The following TRIM44 variants were observed in gnomAD, a reference collection of about 807,000 sequenced individuals.
TRIM44 encodes tripartite motif-containing protein 44.
In TRIM44, 13 loss-of-function variants were observed where a neutral mutation model predicts 37.4. The ratio of observed to expected loss-of-function variants is 0.35; its 90% CI spans 0.23 to 0.55. The LOEUF (loss-of-function observed/expected upper bound fraction) is 0.55, where lower values mean the gene tolerates loss of function less well. TRIM44 is among the 20% of genes least tolerant of loss of function. The probability of loss-of-function intolerance (pLI) is 0.89; values close to 1 mark genes in which losing one functional copy is unlikely to be tolerated. For missense variants in TRIM44, 426 were observed against 437.2 expected, an observed-to-expected ratio of 0.97 and a Z score of 0.23; for synonymous variants, 175 against 157.2, an observed-to-expected ratio of 1.11 and a Z score of -0.85.
intron 1 of TRIM44, among the ~76,000 whole-genome samples, chr11:35,672,877 G>A (rs958724548): frequency 3.9e-5 from 6 of 152,136 alleles, no homozygotes; most frequent in Non-Finnish European, 8.8e-5. Context: ...CATACATAGT[G>A]GTTCAACCAG....
intron 1 of TRIM44, among the ~76,000 whole-genome samples, chr11:35,678,075 A>G (rs1360797038): frequency 6.6e-6 from 1 of 152,158 alleles, no homozygotes; most frequent in African/African-American, 2.4e-5. Context: ...GAGTATAATC[A>G]GTAGTGGTGG....
chr11:35,678,496 C>T (rs1489043881), intron 1 of TRIM44, among the ~76,000 whole-genome samples: 2 of 152,008 alleles, frequency 1.3e-5, no homozygotes, highest in South Asian at 2.1e-4. Flanking sequence ...TAAAAATTTT[C>T]GTACATGGGA....
chr11:35,796,401 G>C (rs547172084), intron 4 of TRIM44, among the ~76,000 whole-genome samples: 1 of 152,214 alleles, frequency 6.6e-6, no homozygotes, highest in African/African-American at 2.4e-5. Flanking sequence ...TACAGCAGCT[G>C]AGGCAACAGG....
At chr11:35,666,775 G>C (rs1465675283) in intron 1 of TRIM44, among the ~76,000 whole-genome samples, 2 of 151,918 alleles carry the variant, frequency 1.3e-5, no homozygotes, top group African/African-American at 4.8e-5. Context: ...AAAAATAAAT[G>C]GTTTTAAGTT....
Position 35,735,447 on chromosome 11 carries a change from T to G in TRIM44, c.1007+2T>G. 6.2e-7 allele frequency: 1 copy of G among 1,613,680 alleles called. No homozygotes were observed. Among genetic ancestry groups the G allele is most frequent in the Non-Finnish European group, 8.5e-7 (1 of 1,179,650 alleles). ...TCAGGGCGATGAGGAAGGACCCAGG[T>G]AAGATCACATTGTTGCTTGTCTTTT... On this transcript the variant is annotated splice_donor_variant, in intron 4 of 4. Coordinates refer to ENST00000299413, the MANE Select transcript of TRIM44 (RefSeq NM_017583.6). LOFTEE classifies it high-confidence loss of function.
intron 2 of TRIM44, among the ~76,000 whole-genome samples, chr11:35,715,419 T>G (rs930894297): frequency 2.6e-5 from 4 of 151,108 alleles, no homozygotes; most frequent in African/African-American, 4.9e-5. Flanking sequence ...TGTGTGTGTG[T>G]GTGTGTGTGT....
intron 4 of TRIM44, among the ~76,000 whole-genome samples, chr11:35,736,975 C>G (rs113788056): frequency 1.3e-5 from 2 of 152,186 alleles, no homozygotes; most frequent in African/African-American, 4.8e-5. Flanking sequence ...CTTGTAGATC[C>G]TAAGTGTAGT....
chr11:35,667,377 G>T (rs1209484848), intron 1 of TRIM44, among the ~76,000 whole-genome samples: 1 of 152,108 alleles, frequency 6.6e-6, no homozygotes, highest in South Asian at 2.1e-4. Context: ...GTAACTACTT[G>T]TTTTTTCTTA....
intron 1 of TRIM44, among the ~76,000 whole-genome samples, chr11:35,667,374 C>T (rs1851343842): frequency 6.6e-6 from 1 of 152,114 alleles, no homozygotes; most frequent in Non-Finnish European, 1.5e-5. Context: ...TTGGTAACTA[C>T]TTGTTTTTTC....
chr11:35,805,061 C>A (rs1309894942), intron 4 of TRIM44, among the ~76,000 whole-genome samples: 7 of 152,074 alleles, frequency 4.6e-5, no homozygotes, highest in African/African-American at 1.7e-4. Context: ...CCTTTTCTAC[C>A]AGCTTGACCA....
chr11:35,712,806 A>G (rs1488617242), intron 2 of TRIM44, among the ~76,000 whole-genome samples: 1 of 152,052 alleles, frequency 6.6e-6, no homozygotes, highest in African/African-American at 2.4e-5. Flanking sequence ...ATTGTATTTG[A>G]CAGTTAATTT....
At chr11:35,738,183 G>C (rs763434772) in intron 4 of TRIM44, among the ~76,000 whole-genome samples, 26 of 152,198 alleles carry the variant, frequency 1.7e-4, no homozygotes, top group Non-Finnish European at 2.8e-4. Flanking sequence ...AGCCGAATTA[G>C]GGTGAACACA....
In TRIM44 at chr11:35,713,572, T is replaced by A. The variant is rs16927857; in HGVS notation, c.748-12352T>A. Among the ~76,000 whole-genome samples the A allele has an allele frequency of 0.014, 2,078 of 152,054 alleles. 114 individuals carry two copies. The East Asian group carries it at 0.14, about 10-fold the overall frequency. On this transcript the variant is annotated intron_variant, in intron 2 of 4. Coordinates refer to ENST00000299413, the MANE Select transcript of TRIM44 (RefSeq NM_017583.6). Reference sequence around the variant, plus strand: ...TGACATGAGTCCATATATTTCAGTTTTATCTATAAAGGAGGACTAATCATA... The same window carrying A: ...TGACATGAGTCCATATATTTCAGTTATATCTATAAAGGAGGACTAATCATA...
At chr11:35,787,762 A>G (rs1853148964) in intron 4 of TRIM44, among the ~76,000 whole-genome samples, 1 of 152,136 alleles carries the variant, frequency 6.6e-6, no homozygotes, top group African/African-American at 2.4e-5. Flanking sequence ...TGTCAGGGAA[A>G]TGGATTTCAT....
chr11:35,715,833 G>A (rs1251186988), intron 2 of TRIM44, among the ~76,000 whole-genome samples: 1 of 152,210 alleles, frequency 6.6e-6, no homozygotes, highest in African/African-American at 2.4e-5. Flanking sequence ...CATGTCATAC[G>A]TGGCTGGAGC....
intron 4 of TRIM44, among the ~76,000 whole-genome samples, chr11:35,761,405 C>CTCTA (rs1554935237): frequency 0.13 from 18,799 of 150,184 alleles, 1,349 homozygotes; most frequent in East Asian, 0.2. Flanking sequence ...CTCTCTCTCT[C>CTCTA]TATATATATA....
intron 4 of TRIM44, among the ~76,000 whole-genome samples, chr11:35,749,131 T>A (rs1189460247): frequency 2.0e-5 from 3 of 151,808 alleles, no homozygotes; most frequent in African/African-American, 7.3e-5. Context: ...TTCAGCAGAG[T>A]TTTTAGAGCA....
At chr11:35,783,202 G>A (rs1292227845) in intron 4 of TRIM44, among the ~76,000 whole-genome samples, 2 of 152,074 alleles carry the variant, frequency 1.3e-5, no homozygotes, top group Non-Finnish European at 2.9e-5. Context: ...AGTTCCCCAG[G>A]ATCACAAAGC....
chr11:35,688,507 T>G lies in TRIM44; in HGVS notation c.747+3171T>G, dbSNP rs372577429. On this transcript the variant is annotated intron_variant, in intron 2 of 4. Coordinates refer to ENST00000299413, the MANE Select transcript of TRIM44 (RefSeq NM_017583.6). ...TTAGTATGTAACCTTCTAGACATTTTTCTATGTAGTACCTTTTCAAAATTC... is the reference window on the plus strand; with the variant it reads ...TTAGTATGTAACCTTCTAGACATTTGTCTATGTAGTACCTTTTCAAAATTC... 4.6e-5 allele frequency among the ~76,000 whole-genome samples: 7 copies of G among 152,336 alleles called. No individual in the cohort carries two copies. The South Asian group carries it at 1.5e-3, about 32-fold the overall frequency.
Sources: gnomAD v4.1 joint callset for allele counts (sites outside exome capture counted in the v4.1 genomes callset) on GRCh38, gnomAD v4.1.1 for gene constraint, MANE v1.5 for transcripts, NCBI Gene and HGNC (gene_info 2026-07-23, HGNC 2026-07-21) for gene names.